The following TENM3 variants were observed in gnomAD, a reference collection of about 807,000 sequenced individuals.
TENM3 encodes the protein teneurin transmembrane protein 3.
Under a neutral mutation model 255.1 loss-of-function variants are expected in TENM3, and 63 were observed. That is an observed-to-expected ratio of 0.25 (90% CI 0.20 to 0.30). The LOEUF (loss-of-function observed/expected upper bound fraction) is 0.30. Among genes scored for constraint, TENM3 ranks in the 10% least tolerant of loss-of-function variants. The pLI is 1.00. For missense variants in TENM3, 2,929 were observed against 3,461.1 expected, an observed-to-expected ratio of 0.85 and a Z score of 3.86; for synonymous variants, 1,306 against 1,322.3, an observed-to-expected ratio of 0.99 and a Z score of 0.27.
the TENM3 span, among the ~76,000 whole-genome samples, chr4:181,665,226 A>T: frequency 6.6e-6 from 1 of 152,204 alleles, no homozygotes; most frequent in Non-Finnish European, 1.5e-5. Flanking sequence ...GATACCTGGG[A>T]CATCCTAGGT....
chr4:182,597,506 C>T (rs1156377323), intron 3 of TENM3, among the ~76,000 whole-genome samples: 5 of 152,140 alleles, frequency 3.3e-5, no homozygotes, highest in Non-Finnish European at 7.3e-5. Flanking sequence ...AGCAACCTTT[C>T]GATCTTAAAA....
At chr4:182,732,024 G>A (rs530220739) in intron 16 of TENM3, among the ~76,000 whole-genome samples, 100 of 151,850 alleles carry the variant, frequency 6.6e-4, no homozygotes, top group East Asian at 1.2e-3. Flanking sequence ...CTCGTGATCC[G>A]CCCACCTTGA....
the TENM3 span, among the ~76,000 whole-genome samples, chr4:181,742,494 TA>T: frequency 2.0e-5 from 3 of 152,060 alleles, no homozygotes; most frequent in African/African-American, 7.2e-5. Context: ...ACGAATTTTT[TA>T]AAAAAGACTT....
intron 3 of TENM3, among the ~76,000 whole-genome samples, chr4:182,356,172 A>G (rs913167247): frequency 9.2e-5 from 14 of 152,234 alleles, no homozygotes; most frequent in Non-Finnish European, 1.8e-4. Context: ...AAAGACAACA[A>G]AAGAGACATA....
chr4:182,367,046 A>G (rs1561371596), intron 3 of TENM3, among the ~76,000 whole-genome samples: 2 of 152,150 alleles, frequency 1.3e-5, no homozygotes, highest in South Asian at 4.1e-4. Flanking sequence ...CAATCGGAAG[A>G]CAAAACAACT....
chr4:182,441,431 A>G (rs1283140956), intron 3 of TENM3, among the ~76,000 whole-genome samples: 1 of 152,222 alleles, frequency 6.6e-6, no homozygotes, highest in Non-Finnish European at 1.5e-5. Context: ...TAAAATCTGG[A>G]TTCTTCATTT....
chr4:181,955,385 C>T, the TENM3 span, among the ~76,000 whole-genome samples: 1 of 152,138 alleles, frequency 6.6e-6, no homozygotes, highest in Non-Finnish European at 1.5e-5. Flanking sequence ...GCTCAAGCCT[C>T]CCTGAAGAAG....
the TENM3 span, among the ~76,000 whole-genome samples, chr4:182,127,159 ATG>A: frequency 2.2e-5 from 1 of 46,010 alleles, no homozygotes; most frequent in Non-Finnish European, 7.1e-5. Flanking sequence ...ATTTATCCAC[ATG>A]AGCTGCCTTC....
chr4:182,613,330 A>G (rs1276330895), intron 4 of TENM3, among the ~76,000 whole-genome samples: 2 of 152,196 alleles, frequency 1.3e-5, no homozygotes, highest in Non-Finnish European at 2.9e-5. Context: ...AAAATGTGAA[A>G]CAAAGACTGT....
At chr4:182,597,424 C>A (rs922481279) in intron 3 of TENM3, among the ~76,000 whole-genome samples, 3 of 151,930 alleles carry the variant, frequency 2.0e-5, no homozygotes, top group Non-Finnish European at 2.9e-5. Flanking sequence ...AAGAAAAAAA[C>A]AAACTTAAAA....
chr4:181,666,911 T>A, the TENM3 span, among the ~76,000 whole-genome samples: 5 of 152,290 alleles, frequency 3.3e-5, no homozygotes, highest in South Asian at 2.1e-4. Flanking sequence ...TCCCATTTCA[T>A]GAAATGCTAC....
intron 1 of TENM3, among the ~76,000 whole-genome samples, chr4:182,174,377 T>C (rs1752306257): frequency 7.0e-6 from 1 of 143,696 alleles, no homozygotes; most frequent in African/African-American, 2.5e-5. Flanking sequence ...CAAATCTAAA[T>C]GTATGTGGCT....
At chr4:181,463,904 A>G in the TENM3 span, among the ~76,000 whole-genome samples, 22 of 152,202 alleles carry the variant, frequency 1.4e-4, no homozygotes, top group African/African-American at 5.3e-4. Context: ...AAACCATACA[A>G]GACATGGTGT....
intron 3 of TENM3, among the ~76,000 whole-genome samples, chr4:182,376,752 G>T (rs886933945): frequency 2.6e-5 from 4 of 151,970 alleles, no homozygotes; most frequent in African/African-American, 9.7e-5. Flanking sequence ...CTGAATTGGG[G>T]TTGTTTCTGG....
At chr4:181,523,682 T>C in the TENM3 span, among the ~76,000 whole-genome samples, 2 of 152,178 alleles carry the variant, frequency 1.3e-5, no homozygotes, top group African/African-American at 4.8e-5. Flanking sequence ...ATTGATAAAC[T>C]GGCATCCAAA....
chr4:181,914,687 G>C, the TENM3 span, among the ~76,000 whole-genome samples: 1 of 152,178 alleles, frequency 6.6e-6, no homozygotes, highest in Non-Finnish European at 1.5e-5. Flanking sequence ...CAAGGGAAAA[G>C]ATGGCTAACG....
chr4:182,315,521 C>G (rs1447733577), intron 1 of TENM3, among the ~76,000 whole-genome samples: 1 of 151,800 alleles, frequency 6.6e-6, no homozygotes, highest in East Asian at 1.9e-4. Context: ...AAGATTTTCT[C>G]TTTATCACTG....
At chr4:182,017,214 G>T in the TENM3 span, among the ~76,000 whole-genome samples, 5 of 152,212 alleles carry the variant, frequency 3.3e-5, no homozygotes, top group Non-Finnish European at 7.3e-5. Context: ...CTGCCCTCCT[G>T]GCCATGTCTA....
the TENM3 span, among the ~76,000 whole-genome samples, chr4:181,545,448 T>C: frequency 2.0e-5 from 3 of 152,318 alleles, no homozygotes; most frequent in Admixed American, 1.3e-4. Flanking sequence ...TTAAAAATTA[T>C]TTGTCCTTAA....
Sources: gnomAD v4.1 joint callset for allele counts (sites outside exome capture counted in the v4.1 genomes callset) on GRCh38, gnomAD v4.1.1 for gene constraint, MANE v1.5 for transcripts, NCBI Gene and HGNC (gene_info 2026-07-23, HGNC 2026-07-21) for gene names.